Variants in EPHB1 observed in about 807,000 individuals in gnomAD.
The protein encoded by EPHB1 is EPH receptor B1.
Under a neutral mutation model 94.4 loss-of-function variants are expected in EPHB1, and 30 were observed. The observed-to-expected ratio is 0.32, with a 90% CI of 0.24 to 0.43. The LOEUF (loss-of-function observed/expected upper bound fraction) is 0.43. EPHB1 is among the 20% of genes least tolerant of loss of function. The pLI is 1.00. For synonymous variants in EPHB1, 522 were observed against 489.1 expected (o/e 1.07, Z -0.89); for missense variants, 1,055 against 1,308.3 (o/e 0.81, Z 2.99).
At chr3:135,230,658 A>T (rs111724127) in intron 12 of EPHB1, among the ~76,000 whole-genome samples, 45 of 152,290 alleles carry the variant, frequency 3.0e-4, no homozygotes, top group African/African-American at 1.1e-3. Flanking sequence ...ACATGGGTGT[A>T]TTGGACCCAA....
intron 1 of EPHB1, among the ~76,000 whole-genome samples, chr3:134,898,094 T>C (rs2038121348): frequency 6.6e-6 from 1 of 152,136 alleles, no homozygotes; most frequent in South Asian, 2.1e-4. Flanking sequence ...TGGGGTGGGC[T>C]GTGGTGAGAG....
intron 1 of EPHB1, among the ~76,000 whole-genome samples, chr3:134,911,842 T>TTGCC (rs2107694870): frequency 6.6e-6 from 1 of 152,252 alleles, no homozygotes; most frequent in African/African-American, 2.4e-5. Context: ...CCCTGACTGG[T>TTGCC]TGCCCCTCAC....
rs553810584 is a variant in EPHB1 at position 135,017,404 on chromosome 3, G to T, written c.805+65352G>T. 2.6e-4 allele frequency among the ~76,000 whole-genome samples: 39 copies of T among 152,360 alleles called. No homozygotes were observed. In the South Asian group the frequency reaches 7.9e-3, roughly 31 times the overall value. On this transcript the variant is annotated intron_variant, in intron 3 of 15. Transcript: ENST00000398015. ...CTGAGAACAAAGGATTGCAAATAGT[G>T]TGCGTGTGTGAGTGAGAGAGAGAAT...
At chr3:134,950,985 C>T (rs76923320) in intron 2 of EPHB1, among the ~76,000 whole-genome samples, 1,985 of 152,208 alleles carry the variant, frequency 0.013, 18 homozygotes, top group South Asian at 0.025. Flanking sequence ...TAATTGGACC[C>T]CCAATCCACA....
chr3:134,891,067 C>A (rs923230187), intron 1 of EPHB1, among the ~76,000 whole-genome samples: 2 of 152,174 alleles, frequency 1.3e-5, no homozygotes, highest in Non-Finnish European at 2.9e-5. Flanking sequence ...GTTCCCACAA[C>A]AATGCTAAAC....
chr3:134,963,438 A>G (rs1933607001), intron 3 of EPHB1, among the ~76,000 whole-genome samples: 1 of 152,118 alleles, frequency 6.6e-6, no homozygotes, highest in African/African-American at 2.4e-5. Context: ...TGATGGTTGT[A>G]TGATGGTTAT....
At chr3:134,947,082 T>C (rs1376119396) in intron 2 of EPHB1, among the ~76,000 whole-genome samples, 1 of 152,216 alleles carries the variant, frequency 6.6e-6, no homozygotes, top group Non-Finnish European at 1.5e-5. Context: ...CATTTTCTAA[T>C]TTCTGTTTCT....
chr3:134,990,868 A>T (rs1934772235), intron 3 of EPHB1, among the ~76,000 whole-genome samples: 1 of 152,196 alleles, frequency 6.6e-6, no homozygotes, highest in African/African-American at 2.4e-5. Context: ...TTTGATCCAC[A>T]ATTTGTTTCC....
chr3:134,999,972 C>T (rs1036992662), intron 3 of EPHB1, among the ~76,000 whole-genome samples: 2 of 152,230 alleles, frequency 1.3e-5, no homozygotes, highest in African/African-American at 2.4e-5. Context: ...ACATAGGCTG[C>T]AGGCACACAA....
intron 1 of EPHB1, among the ~76,000 whole-genome samples, chr3:134,816,878 G>A (rs1166367506): frequency 6.6e-6 from 1 of 152,000 alleles, no homozygotes; most frequent in Non-Finnish European, 1.5e-5. Flanking sequence ...AGGCAGCAGG[G>A]CTTCCTGGGG....
intron 3 of EPHB1, among the ~76,000 whole-genome samples, chr3:135,058,302 A>T (rs1006913484): frequency 6.6e-6 from 1 of 152,196 alleles, no homozygotes; most frequent in African/African-American, 2.4e-5. Flanking sequence ...GCTATGGGAC[A>T]TGCTGTGAAT....
intron 1 of EPHB1, among the ~76,000 whole-genome samples, chr3:134,845,226 A>T (rs955249312): frequency 6.6e-6 from 1 of 152,220 alleles, no homozygotes; most frequent in East Asian, 1.9e-4. Context: ...CTGAAATAAG[A>T]TGCAGAAACC....
chr3:135,057,530 C>T (rs947466010), intron 3 of EPHB1, among the ~76,000 whole-genome samples: 1 of 152,206 alleles, frequency 6.6e-6, no homozygotes, highest in Non-Finnish European at 1.5e-5. Context: ...GTCCTGCCTT[C>T]TTCCCTCTCT....
intron 2 of EPHB1, among the ~76,000 whole-genome samples, chr3:134,948,553 T>C (rs2039259707): frequency 6.6e-6 from 1 of 152,366 alleles, no homozygotes; most frequent in Non-Finnish European, 1.5e-5. Flanking sequence ...AAAGTGGTTC[T>C]TTTACATCTA....
chr3:134,823,203 C>T (rs138684625), intron 1 of EPHB1, among the ~76,000 whole-genome samples: 5 of 152,294 alleles, frequency 3.3e-5, no homozygotes, highest in African/African-American at 7.2e-5. Context: ...ACTTGAGTAA[C>T]GACTCAACTG....
At chr3:135,161,160 G>A (rs958562127) in intron 6 of EPHB1, among the ~76,000 whole-genome samples, 13 of 152,140 alleles carry the variant, frequency 8.5e-5, no homozygotes, top group African/African-American at 1.9e-4. Flanking sequence ...GGGCACTCAC[G>A]ATGAGAAAAA....
chr3:134,988,116 A>G (rs1209666479), intron 3 of EPHB1, among the ~76,000 whole-genome samples: 2 of 152,246 alleles, frequency 1.3e-5, no homozygotes, highest in Admixed American at 1.3e-4. Flanking sequence ...GCATCCATTA[A>G]GAAGCAGGCC....
intron 9 of EPHB1, among the ~76,000 whole-genome samples, chr3:135,179,110 G>T (rs1942075556): frequency 6.6e-6 from 1 of 151,358 alleles, no homozygotes; most frequent in Admixed American, 6.6e-5. Context: ...TATTTATCTT[G>T]CCACCGTATA....
chr3:135,255,088 C>CTAT (rs748496777), intron 15 of EPHB1, among the ~76,000 whole-genome samples: 2 of 151,968 alleles, frequency 1.3e-5, no homozygotes, highest in Non-Finnish European at 2.9e-5. Flanking sequence ...TTTATTGTGT[C>CTAT]TATTTGATTC....
Sources: allele counts gnomAD v4.1 joint callset (sites outside exome capture counted in the v4.1 genomes callset), GRCh38; gene constraint gnomAD v4.1.1; transcripts MANE v1.5; gene names NCBI Gene and HGNC (gene_info 2026-07-23, HGNC 2026-07-21).